The following PRDM16 variants were observed in gnomAD, a reference collection of about 807,000 sequenced individuals.
The protein encoded by PRDM16 is histone-lysine N-methyltransferase PRDM16.
A neutral mutation model predicts 110.6 loss-of-function variants in PRDM16; 23 were observed. The observed-to-expected ratio is 0.21, with a 90% CI of 0.15 to 0.29. The LOEUF is 0.29. Among genes scored for constraint, PRDM16 ranks in the 10% least tolerant of loss-of-function variants. The pLI, the probability that PRDM16 is intolerant of heterozygous loss-of-function variation, is 1.00. For synonymous variants in PRDM16, 799 were observed against 781.8 expected (o/e 1.02, Z -0.37); for missense variants, 1,615 against 1,794.3 (o/e 0.90, Z 1.81).
intron 1 of PRDM16, among the ~76,000 whole-genome samples, chr1:3,136,848 C>T (rs941066644): frequency 2.6e-5 from 4 of 152,170 alleles, no homozygotes; most frequent in South Asian, 2.1e-4. Flanking sequence ...GTTGGGGGTC[C>T]GGGATGCTGG....
chr1:3,431,812 G>A (rs1402275595), intron 15 of PRDM16, among the ~76,000 whole-genome samples, 154 bp from the exon 16 acceptor site: 11 of 152,246 alleles, frequency 7.2e-5, no homozygotes, highest in African/African-American at 2.2e-4. Context: ...CCGTCCAGGC[G>A]TCTGTGTGTC....
Position 3,370,391 on chromosome 1 carries a change from C to G in PRDM16, c.439-14761C>G, listed in dbSNP as rs866571476. Among the ~76,000 whole-genome samples the G allele has an allele frequency of 3.3e-5, 5 of 152,230 alleles. No homozygotes were observed. In the East Asian group the frequency reaches 9.7e-4, roughly 29 times the overall value. ...GGGATGAAGACAGACCCCTGGGAAA[C>G]GGAGGCATAGGGAGTGCTGGCTGAC... On this transcript the variant is annotated intron_variant, in intron 3 of 16. Transcript: ENST00000270722. The surrounding 1 kb of genome is among the most constrained non-coding windows in gnomAD (Gnocchi z 4.8).
chr1:3,384,037 G>A (rs1342865609), intron 3 of PRDM16, among the ~76,000 whole-genome samples: 1 of 146,650 alleles, frequency 6.8e-6, no homozygotes, highest in Non-Finnish European at 1.5e-5. Context: ...TCAAGGACAC[G>A]CCTGCCCACA....
intron 8 of PRDM16, among the ~76,000 whole-genome samples, chr1:3,409,095 CTG>C (rs1337152352): frequency 7.2e-6 from 1 of 139,574 alleles, no homozygotes; most frequent in African/African-American, 2.6e-5. Flanking sequence ...GGGCGCGTGT[CTG>C]TGAGTGCGAG....
Position 3,206,765 on chromosome 1 carries a change from A to T in PRDM16, c.387+20291A>T, listed in dbSNP as rs373275271. 6.6e-6 allele frequency: 1 copy of T among 152,206 alleles called. No homozygotes were observed. The highest frequency in any genetic ancestry group is 1.9e-4 in the East Asian group (1 of 5,180). 9.4% of individuals were successfully genotyped at this position (152,206 alleles called of 1,614,324 possible). A position where few individuals can be genotyped will look rare whatever the true frequency, so the allele number is the denominator to read the frequency against. ...ATGACAAAGAGTGAGCCACCCCATG[A>T]AATGGGCCCGGCAAGGTCACACGGC... On this transcript the variant is annotated intron_variant, in intron 2 of 16. Coordinates refer to ENST00000270722, the MANE Select transcript of PRDM16 (RefSeq NM_022114.4). The surrounding 1 kb of genome is among the most constrained non-coding windows in gnomAD (Gnocchi z 4.9).
At chr1:3,397,497 C>T (rs763536942) in intron 5 of PRDM16, among the ~76,000 whole-genome samples, 23 of 152,258 alleles carry the variant, frequency 1.5e-4, no homozygotes, top group Non-Finnish European at 2.5e-4. Context: ...CTGGAACAGC[C>T]GGCCAGGAAA....
chr1:3,124,318 A>C (rs1180582093), intron 1 of PRDM16, among the ~76,000 whole-genome samples: 1 of 152,234 alleles, frequency 6.6e-6, no homozygotes, highest in Admixed American at 6.5e-5. Context: ...AGAGAGGCCC[A>C]GACAGTCTCC....
chr1:3,338,822 A>T (rs2100507765), intron 3 of PRDM16, among the ~76,000 whole-genome samples: 1 of 152,282 alleles, frequency 6.6e-6, no homozygotes. Context: ...CACACATGCC[A>T]CCGTCCTGTT....
chr1:3,243,518 A>C lies in PRDM16; in HGVS notation c.388-569A>C, dbSNP rs1639721832. On this transcript the variant is annotated intron_variant, in intron 2 of 16. Transcript: ENST00000270722. This position sits in a 1 kb window ranked among gnomAD's most constrained non-coding sequence, Gnocchi z 5.5. ...CCGCTGTCTCCTGGGACCGCTGGGCAGAGTCCAGCTCCCCCCGACCTCTGC... is the reference window on the plus strand; with the variant it reads ...CCGCTGTCTCCTGGGACCGCTGGGCCGAGTCCAGCTCCCCCCGACCTCTGC... Among the ~76,000 whole-genome samples, 1 of 152,166 alleles carries C rather than the reference A, an allele frequency of 6.6e-6. No individual in the cohort carries two copies. The highest frequency in any genetic ancestry group is 2.4e-5 in the African/African-American group (1 of 41,444).
At chr1:3,263,545 T>C (rs1174960184) in intron 3 of PRDM16, among the ~76,000 whole-genome samples, 1 of 152,186 alleles carries the variant, frequency 6.6e-6, no homozygotes, top group Non-Finnish European at 1.5e-5. Context: ...CAGCCAACAG[T>C]GGCACAGGCT....
intron 1 of PRDM16, among the ~76,000 whole-genome samples, chr1:3,124,226 C>T (rs938808906): frequency 2.0e-5 from 3 of 152,118 alleles, no homozygotes; most frequent in African/African-American, 7.2e-5. Context: ...CAGCCTGGGC[C>T]CTGAGCTGGA....
chr1:3,179,110 T>C (rs1419879914), intron 1 of PRDM16, among the ~76,000 whole-genome samples: 1 of 152,220 alleles, frequency 6.6e-6, no homozygotes, highest in Non-Finnish European at 1.5e-5. Context: ...TCCAGGGCTC[T>C]CCCCGGTTTT....
intron 3 of PRDM16, among the ~76,000 whole-genome samples, chr1:3,247,174 G>A (rs531146561): frequency 1.3e-5 from 2 of 152,260 alleles, no homozygotes; most frequent in African/African-American, 2.4e-5. Flanking sequence ...CTGTGGGTGG[G>A]CAACTCCTGT....
intron 1 of PRDM16, among the ~76,000 whole-genome samples, chr1:3,137,020 C>T (rs889427698): frequency 1.3e-5 from 2 of 152,180 alleles, no homozygotes; most frequent in Admixed American, 6.5e-5. Context: ...GTCCCATCAC[C>T]GGACAGATGG....
intron 1 of PRDM16, among the ~76,000 whole-genome samples, chr1:3,161,619 TC>T (rs1232708632): frequency 1.3e-5 from 2 of 152,132 alleles, no homozygotes; most frequent in African/African-American, 4.8e-5. Flanking sequence ...CAGCACCAGC[TC>T]CACAATTAAA....
intron 3 of PRDM16, chr1:3,306,719 A>G (rs1262723850): frequency 6.6e-6 from 1 of 152,260 alleles, no homozygotes; most frequent in African/African-American, 2.4e-5. Context: ...ATTAAAACGT[A>G]CAATTCAGTG....
intron 1 of PRDM16, among the ~76,000 whole-genome samples, chr1:3,163,887 C>T (rs1643920673): frequency 6.6e-6 from 1 of 152,250 alleles, no homozygotes; most frequent in African/African-American, 2.4e-5. Flanking sequence ...ACCCTTCTTC[C>T]AAATAATGGC....
rs72632109 is a variant in PRDM16, at chr1:3,245,310, A to G, written c.438+1173A>G. On this transcript the variant is annotated intron_variant, in intron 3 of 16. Coordinates refer to ENST00000270722, the MANE Select transcript of PRDM16 (RefSeq NM_022114.4). The surrounding 1 kb of genome is among the most constrained non-coding windows in gnomAD (Gnocchi z 4.7). ...GCTGTGCTAGTCCTGCCAAACTCCC[A>G]GTCTCTGAGCCGAGGCATTTGGGCA... 6.6e-6 allele frequency among the ~76,000 whole-genome samples: 1 copy of G among 152,122 alleles called. No homozygotes were observed. The highest frequency in any genetic ancestry group is 1.5e-5 in the Non-Finnish European group (1 of 68,016).
chr1:3,071,046 C>T (rs549052040), intron 1 of PRDM16, among the ~76,000 whole-genome samples: 6 of 152,246 alleles, frequency 3.9e-5, no homozygotes, highest in Non-Finnish European at 8.8e-5. Context: ...TGTTCGGGTT[C>T]GGTTCTGTGT....
Sources: allele counts gnomAD v4.1 joint callset (sites outside exome capture counted in the v4.1 genomes callset), GRCh38; gene constraint gnomAD v4.1.1; non-coding constraint Gnocchi (gnomAD v3.1); transcripts MANE v1.5; gene names NCBI Gene and HGNC (gene_info 2026-07-23, HGNC 2026-07-21).